GRM7: variants seen among roughly 807,000 people sequenced by gnomAD.
GRM7 encodes the protein metabotropic glutamate receptor 7.
GRM7 carries 35 observed loss-of-function variants against 84.5 expected under a neutral mutation model. That is an observed-to-expected ratio of 0.41 (90% CI 0.32 to 0.55). The LOEUF (loss-of-function observed/expected upper bound fraction) is 0.55, where lower values mean the gene tolerates loss of function less well. GRM7 is among the 20% of genes least tolerant of loss of function. The probability of loss-of-function intolerance (pLI) is 0.19; values close to 1 mark genes in which losing one functional copy is unlikely to be tolerated. For missense variants in GRM7, 1,003 were observed against 1,194.6 expected (o/e 0.84, Z 2.36); for synonymous variants, 487 against 455.1 (o/e 1.07, Z -0.89).
intron 1 of GRM7, among the ~76,000 whole-genome samples, chr3:6,879,741 G>C (rs1206345302): frequency 6.6e-6 from 1 of 152,196 alleles, no homozygotes; most frequent in Non-Finnish European, 1.5e-5. Context: ...CCTGAGGTTA[G>C]AATTCAGTAT....
chr3:7,022,375 A>ACACACACACACACG (rs1442173255), intron 1 of GRM7, among the ~76,000 whole-genome samples: 6 of 151,456 alleles, frequency 4.0e-5, no homozygotes, highest in African/African-American at 1.5e-4. Context: ...ATGCACACAC[A>ACACACACACACACG]CACACACACA....
At chr3:6,991,367 A>AATTG (rs548670463) in intron 1 of GRM7, among the ~76,000 whole-genome samples, 161 of 152,328 alleles carry the variant, frequency 1.1e-3, no homozygotes, top group African/African-American at 3.8e-3. Context: ...CTTTGGACCT[A>AATTG]ATCCCTAGAG....
intron 5 of GRM7, among the ~76,000 whole-genome samples, chr3:7,448,159 C>G (rs1006015876): frequency 1.1e-4 from 16 of 151,660 alleles, no homozygotes; most frequent in African/African-American, 3.9e-4. Context: ...TTGTTGGACA[C>G]TTGGGTTGGT....
chr3:7,038,301 C>T (rs1487569221), intron 1 of GRM7, among the ~76,000 whole-genome samples: 1 of 152,196 alleles, frequency 6.6e-6, no homozygotes, highest in Non-Finnish European at 1.5e-5. Context: ...TTCATTAATA[C>T]ATAGCCTTAT....
chr3:6,900,436 C>T (rs1696342035), intron 1 of GRM7, among the ~76,000 whole-genome samples: 1 of 151,986 alleles, frequency 6.6e-6, no homozygotes, highest in Admixed American at 6.6e-5. Context: ...CACTTAGACA[C>T]CACTTAAAAC....
chr3:7,551,635 C>T (rs1401102469), intron 7 of GRM7, among the ~76,000 whole-genome samples: 1 of 151,078 alleles, frequency 6.6e-6, no homozygotes, highest in African/African-American at 2.4e-5. Flanking sequence ...ATATAAAGCA[C>T]ATATGACAAT....
chr3:7,276,294 A>G (rs949816568), intron 2 of GRM7, among the ~76,000 whole-genome samples: 2 of 149,272 alleles, frequency 1.3e-5, no homozygotes, highest in East Asian at 4.0e-4. Flanking sequence ...CTTTGATCTA[A>G]GGTAAAATGA....
At chr3:6,899,590 C>T (rs1032181360) in intron 1 of GRM7, among the ~76,000 whole-genome samples, 5 of 151,976 alleles carry the variant, frequency 3.3e-5, no homozygotes, top group Non-Finnish European at 4.4e-5. Flanking sequence ...AATGGGAAGT[C>T]GTAAAAGGTC....
chr3:7,647,913 C>T (rs1455635466), intron 8 of GRM7, among the ~76,000 whole-genome samples: 1 of 152,134 alleles, frequency 6.6e-6, no homozygotes, highest in Non-Finnish European at 1.5e-5. Context: ...ATGCTATCCA[C>T]TTCCATTATT....
At chr3:7,280,105 T>G (rs1215958235) in intron 2 of GRM7, among the ~76,000 whole-genome samples, 1 of 152,312 alleles carries the variant, frequency 6.6e-6, no homozygotes, top group Non-Finnish European at 1.5e-5. Context: ...ACTGCTTAAT[T>G]GAAAAGTCAG....
At chr3:7,025,082 A>T (rs1695930502) in intron 1 of GRM7, among the ~76,000 whole-genome samples, 1 of 152,160 alleles carries the variant, frequency 6.6e-6, no homozygotes, top group Non-Finnish European at 1.5e-5. Context: ...TCTGTTTGTC[A>T]TCAAAACCAG....
At chr3:7,121,579 C>T (rs1287595051) in intron 1 of GRM7, among the ~76,000 whole-genome samples, 3 of 152,142 alleles carry the variant, frequency 2.0e-5, no homozygotes, top group Admixed American at 6.6e-5. Flanking sequence ...ATCCCCCTTT[C>T]CTCCTAATTT....
chr3:7,600,462 T>C (rs905111376), intron 8 of GRM7, among the ~76,000 whole-genome samples: 8 of 152,108 alleles, frequency 5.3e-5, no homozygotes, highest in Non-Finnish European at 1.2e-4. Flanking sequence ...AACCTCTTGG[T>C]AAGCAACACA....
chr3:7,015,433 C>T (rs778876363), intron 1 of GRM7, among the ~76,000 whole-genome samples: 11 of 152,320 alleles, frequency 7.2e-5, no homozygotes, highest in Non-Finnish European at 1.5e-4. Context: ...CATGCTATGA[C>T]AGATGCTGTG....
chr3:7,269,975 A>C lies in GRM7; in HGVS notation c.737-28709A>C, dbSNP rs141064933. ...ATTCCTACACGTCCTTTAGATTAAT[A>C]TCTCTCAAACTTTAGCATGCATCAG... On this transcript the variant is annotated intron_variant, in intron 2 of 9. Transcript: ENST00000357716. 1.3e-3 allele frequency among the ~76,000 whole-genome samples: 204 copies of C among 152,282 alleles called. 1 individual carries two copies. Among genetic ancestry groups the C allele is most frequent in the African/African-American group, 4.7e-3 (196 of 41,542 alleles).
intron 1 of GRM7, among the ~76,000 whole-genome samples, chr3:7,050,688 A>T (rs543910526): frequency 6.6e-6 from 1 of 152,116 alleles, no homozygotes; most frequent in South Asian, 2.1e-4. Flanking sequence ...ACAAAAGTTT[A>T]TTCCAATTGA....
intron 9 of GRM7, among the ~76,000 whole-genome samples, chr3:7,718,180 T>C (rs1394517395): frequency 6.6e-6 from 1 of 152,200 alleles, no homozygotes; most frequent in Admixed American, 6.5e-5. Context: ...GATGAGGCAG[T>C]CTGTGCATAG....
At chr3:7,642,897 G>T (rs368809560) in intron 8 of GRM7, among the ~76,000 whole-genome samples, 63 of 152,010 alleles carry the variant, frequency 4.1e-4, no homozygotes, top group African/African-American at 1.5e-3. Flanking sequence ...ATGGATCTAT[G>T]GTCCCTAACA....
At position 7,661,794 on chromosome 3, in the gene GRM7, CAAAAA is replaced by C. The variant is rs71043686; in HGVS notation, c.2452-18233_2452-18229del. Among the ~76,000 whole-genome samples the C allele has an allele frequency of 3.4e-3, 95 of 28,200 alleles. 1 individual carries two copies. The East Asian group carries it at 0.046, about 14-fold the overall frequency. The allele number at this position is 28,200 out of a possible 152,430, so 18.5% of individuals were successfully genotyped here. A position where few individuals can be genotyped will look rare whatever the true frequency, so the allele number is the denominator to read the frequency against. On this transcript the variant is annotated intron_variant, in intron 8 of 9. Transcript: ENST00000357716. ...GGGCCACAGAGCGAGGTCTCCGTCTCAAAAAAAAAAAAAAAAAAAAAAAAAATGTA... is the reference window on the plus strand; with the variant it reads ...GGGCCACAGAGCGAGGTCTCCGTCTCAAAAAAAAAAAAAAAAAAAAATGTA...
Sources: allele counts gnomAD v4.1 joint callset (sites outside exome capture counted in the v4.1 genomes callset), GRCh38; gene constraint gnomAD v4.1.1; transcripts MANE v1.5; gene names NCBI Gene and HGNC (gene_info 2026-07-23, HGNC 2026-07-21).